RYK: variants seen among roughly 807,000 people sequenced by gnomAD.
RYK encodes receptor like tyrosine kinase.
A neutral mutation model predicts 70.2 loss-of-function variants in RYK; 21 were observed. The observed-to-expected ratio is 0.30, with a 90% CI of 0.21 to 0.43. The LOEUF (loss-of-function observed/expected upper bound fraction) is 0.43. RYK is among the 20% of genes least tolerant of loss of function. The pLI is 1.00. For missense variants in RYK, 604 were observed against 753.3 expected, an observed-to-expected ratio of 0.80 and a Z score of 2.32; for synonymous variants, 267 against 278.0, an observed-to-expected ratio of 0.96 and a Z score of 0.39.
At chr3:134,192,061 T>C in intron 7 of RYK, 87 bp from the exon 8 acceptor site, 1 of 1,326,404 alleles carries the variant, frequency 7.5e-7, no homozygotes, top group Non-Finnish European at 1.0e-6. Flanking sequence ...ACCTCAGGAC[T>C]CAGGTCACAG....
In RYK at chr3:134,248,797, T is replaced by TA. The variant is rs200495709; in HGVS notation, c.232+1625dup. On this transcript the variant is annotated intron_variant, in intron 1 of 14. Coordinates refer to ENST00000623711, the MANE Select transcript of RYK (RefSeq NM_002958.4). ...TGGGTGACAAGAGCGAGACTCCGTC[T>TA]AAAAAAAAATTAACTGTGTGACCTT... 7.8e-3 allele frequency among the ~76,000 whole-genome samples: 1,177 copies of TA among 151,572 alleles called. 3 individuals are homozygous for TA. Among genetic ancestry groups the TA allele is most frequent in the Non-Finnish European group, 0.013 (883 of 67,814 alleles).
rs1243294694 is a variant in RYK at position 134,229,304 on chromosome 3, CTCTCTCTCTCTCTT to C, written c.233-6779_233-6766del. On this transcript the variant is annotated intron_variant, in intron 1 of 14. Transcript: ENST00000623711. ...ACTCTCTCTACTGCCTTCTCTCTCT[CTCTCTCTCTCTCTT>C]TCTCTTTCCCCCAACCCCTTCTGTC... is the stretch of plus-strand genomic sequence containing the variant. 2.0e-5 allele frequency among the ~76,000 whole-genome samples: 3 copies of C among 149,966 alleles called. No individual in the cohort carries two copies. The East Asian group carries it at 5.9e-4, about 29-fold the overall frequency.
chr3:134,234,561 G>C (rs1447161629), intron 1 of RYK, among the ~76,000 whole-genome samples: 4 of 152,070 alleles, frequency 2.6e-5, no homozygotes, highest in Non-Finnish European at 4.4e-5. Context: ...GAAGATGACA[G>C]GGAATGGAAC....
chr3:134,229,810 C>CTAAA (rs1177982668), intron 1 of RYK, among the ~76,000 whole-genome samples: 2 of 151,940 alleles, frequency 1.3e-5, no homozygotes, highest in Non-Finnish European at 2.9e-5. Flanking sequence ...TGAAGAGGTG[C>CTAAA]TAAACATCCT....
chr3:134,226,998 G>C (rs2107688115), intron 1 of RYK, among the ~76,000 whole-genome samples: 1 of 152,234 alleles, frequency 6.6e-6, no homozygotes, highest in South Asian at 2.1e-4. Context: ...AAGTAAAACT[G>C]TCATTGTTCA....
intron 5 of RYK, among the ~76,000 whole-genome samples, chr3:134,205,046 T>C (rs1157019929): frequency 6.6e-6 from 1 of 152,162 alleles, no homozygotes; most frequent in Non-Finnish European, 1.5e-5. Context: ...TAATGGATTG[T>C]ACCAAAGTAG....
intron 9 of RYK, among the ~76,000 whole-genome samples, chr3:134,187,083 G>A (rs1389984254): frequency 6.6e-6 from 1 of 152,114 alleles, no homozygotes; most frequent in Non-Finnish European, 1.5e-5. Flanking sequence ...TTTGGTGCTG[G>A]GAAGGGGTGA....
chr3:134,175,422 T>C lies in RYK; in HGVS notation c.1575+187A>G, dbSNP rs146371018. 1.1e-3 allele frequency among the ~76,000 whole-genome samples: 172 copies of C among 152,172 alleles called. 1 individual carries two copies. Among genetic ancestry groups the C allele is most frequent in the African/African-American group, 3.5e-3 (146 of 41,498 alleles). On this transcript the variant is annotated intron_variant, in intron 13 of 14. Transcript: ENST00000623711. ...TGAGATTACAAACAGTGCTGGCCTA[T>C]GGTCTGGGTCACAGCTCCTCTCCAT...
intron 5 of RYK, among the ~76,000 whole-genome samples, chr3:134,205,039 T>C (rs1400141672): frequency 6.6e-6 from 1 of 152,182 alleles, no homozygotes; most frequent in Admixed American, 6.5e-5. Context: ...ACCTTACTAA[T>C]GGATTGTACC....
At position 134,159,356 on chromosome 3, in the gene RYK, C is replaced by G. The variant is rs150612086; in HGVS notation, c.1593G>C (p.Thr531=). The change falls in exon 14 of 15, where the codon ACG becomes ACC. Residue 531 remains threonine (T), a synonymous_variant. Transcript: ENST00000623711. ...SASDVWAFGV[T]LWELMTLGQT... ...GGCCCAGAGTCATGAGTTCCCACAG[C>G]GTCACTCCAAAGGCCCACTAGTAAA... 1 of 1,611,746 alleles carries G rather than the reference C, an allele frequency of 6.2e-7. No individual in the cohort carries two copies. The highest frequency in any genetic ancestry group is 8.5e-7 in the Non-Finnish European group (1 of 1,178,742).
chr3:134,183,097 T>C, intron 9 of RYK, 26 bp from the exon 10 acceptor site: 1 of 1,391,148 alleles, frequency 7.2e-7, no homozygotes, highest in East Asian at 2.5e-5. Flanking sequence ...AGAAAATGTC[T>C]TGAATAATAA....
chr3:134,249,452 T>G (rs2015548949), intron 1 of RYK, among the ~76,000 whole-genome samples: 1 of 152,080 alleles, frequency 6.6e-6, no homozygotes, highest in Non-Finnish European at 1.5e-5. Flanking sequence ...AGCACCACCT[T>G]CAGATGAAAT....
intron 1 of RYK, among the ~76,000 whole-genome samples, chr3:134,244,274 G>A (rs140725540): frequency 2.0e-5 from 3 of 152,146 alleles, no homozygotes; most frequent in East Asian, 1.9e-4. Flanking sequence ...CACAGGCTCC[G>A]GAATTCCACA....
At chr3:134,175,299 C>T (rs1012420383) in intron 13 of RYK, among the ~76,000 whole-genome samples, 40 of 150,708 alleles carry the variant, frequency 2.7e-4, no homozygotes, top group South Asian at 6.3e-4. Flanking sequence ...GCCAGGATTG[C>T]GCCATTGCAC....
intron 1 of RYK, among the ~76,000 whole-genome samples, chr3:134,239,159 A>G (rs1455019226): frequency 3.3e-5 from 5 of 152,176 alleles, no homozygotes; most frequent in African/African-American, 1.2e-4. Flanking sequence ...AGGCAACTCC[A>G]AAGAAAATAA....
intron 7 of RYK, among the ~76,000 whole-genome samples, chr3:134,194,571 T>G (rs1254371510): frequency 6.6e-6 from 1 of 152,200 alleles, no homozygotes. Context: ...GACAGATATC[T>G]TAATCTTATT....
intron 2 of RYK, 64 bp from the exon 3 acceptor site, chr3:134,211,671 A>T (rs1344989183): frequency 9.3e-7 from 1 of 1,080,008 alleles, no homozygotes; most frequent in Non-Finnish European, 1.4e-6. Flanking sequence ...TATCAGCTTG[A>T]CTTCATTAAT....
intron 13 of RYK, among the ~76,000 whole-genome samples, chr3:134,163,098 A>T (rs2012533445): frequency 6.6e-6 from 1 of 152,226 alleles, no homozygotes; most frequent in African/African-American, 2.4e-5. Context: ...TGTTCACATT[A>T]CTGCCCAACA....
chr3:134,231,778 T>C (rs1014291037), intron 1 of RYK, among the ~76,000 whole-genome samples: 1 of 152,180 alleles, frequency 6.6e-6, no homozygotes, highest in Non-Finnish European at 1.5e-5. Flanking sequence ...TGAGCACCCT[T>C]ACCCAAAGTT....
Sources: allele counts gnomAD v4.1 joint callset (sites outside exome capture counted in the v4.1 genomes callset), GRCh38; gene constraint gnomAD v4.1.1; transcripts MANE v1.5; gene names NCBI Gene and HGNC (gene_info 2026-07-23, HGNC 2026-07-21).